The following TNIK variants were observed in gnomAD, a reference collection of about 807,000 sequenced individuals.
TNIK encodes the protein TRAF2 and NCK-interacting protein kinase.
TNIK carries 49 observed loss-of-function variants against 191.3 expected under a neutral mutation model. The ratio of observed to expected loss-of-function variants is 0.26; its 90% confidence interval spans 0.20 to 0.32. The LOEUF (loss-of-function observed/expected upper bound fraction) is 0.32, where lower values mean the gene tolerates loss of function less well. Among genes scored for constraint, TNIK ranks in the 10% least tolerant of loss-of-function variants. TNIK has a pLI of 1.00. For synonymous variants in TNIK, 594 were observed against 600.9 expected (o/e 0.99, Z 0.17); for missense variants, 1,155 against 1,702.3 (o/e 0.68, Z 5.66).
intron 15 of TNIK, among the ~76,000 whole-genome samples, chr3:171,129,243 G>C (rs747566676): frequency 6.6e-6 from 1 of 152,144 alleles, no homozygotes; most frequent in Admixed American, 6.5e-5. Context: ...GACAATCAAA[G>C]GGAATGGTAG....
intron 2 of TNIK, among the ~76,000 whole-genome samples, chr3:171,253,224 C>A (rs1403958124): frequency 6.7e-6 from 1 of 149,042 alleles, no homozygotes; most frequent in Non-Finnish European, 1.5e-5. Context: ...GCGGAACTTG[C>A]AGTGAGCCGA....
At position 171,366,759 on chromosome 3, in the gene TNIK, G is replaced by A. The variant is rs970637897; in HGVS notation, c.123+2861C>T. On this transcript the variant is annotated intron_variant, in intron 2 of 32. Coordinates refer to ENST00000436636, the MANE Select transcript of TNIK (RefSeq NM_015028.4). This position sits in a 1 kb window ranked among gnomAD's most constrained non-coding sequence, Gnocchi z 4.1. ...TTGGCTGTGTCCCCAACCAAATTTCGTCTTGAATTGTAGTTCCCGTAATCC... is the reference window on the plus strand; with the variant it reads ...TTGGCTGTGTCCCCAACCAAATTTCATCTTGAATTGTAGTTCCCGTAATCC... 3.3e-5 allele frequency among the ~76,000 whole-genome samples: 5 copies of A among 152,220 alleles called. No individual in the cohort carries two copies. Among genetic ancestry groups the A allele is most frequent in the South Asian group, 2.1e-4 (1 of 4,816 alleles).
intron 21 of TNIK, among the ~76,000 whole-genome samples, chr3:171,105,254 A>G (rs764511801): frequency 7.2e-5 from 11 of 152,178 alleles, no homozygotes; most frequent in Non-Finnish European, 1.3e-4. Flanking sequence ...AAGTTTCTCA[A>G]TTATGGCCCT....
chr3:171,396,070 C>A (rs1343160886), intron 1 of TNIK, among the ~76,000 whole-genome samples: 1 of 151,992 alleles, frequency 6.6e-6, no homozygotes, highest in Non-Finnish European at 1.5e-5. Flanking sequence ...CAAAAAGAAA[C>A]CCCATACCCT....
intron 4 of TNIK, among the ~76,000 whole-genome samples, chr3:171,194,955 CA>C (rs1230983637): frequency 1.3e-5 from 2 of 151,828 alleles, no homozygotes; most frequent in South Asian, 4.2e-4. Flanking sequence ...TTTAACTCAG[CA>C]GTCAAATTTT....
chr3:171,126,107 G>A lies in TNIK; in HGVS notation c.1818C>T (p.Thr606=), dbSNP rs779458498. 2.6e-5 allele frequency: 41 copies of A among 1,571,092 alleles called. No homozygotes were observed. The Middle Eastern group carries it at 1.0e-3, about 40-fold the overall frequency. ...VAVKSQGPAL[T]ASQSVHEQPT... is the part of the protein sequence containing the mutation. The stretch of plus-strand genomic sequence containing the variant: ...GCTGCTCGTGCACTGACTGGGAGGC[G>A]GTCAAGGCAGGTCCCTGGGATTTTA... Residue 606 remains threonine (T), a synonymous_variant, in exon 17 of 33, where the codon ACC becomes ACT. Coordinates refer to ENST00000436636, the MANE Select transcript of TNIK (RefSeq NM_015028.4).
intron 2 of TNIK, among the ~76,000 whole-genome samples, chr3:171,282,358 T>A (rs1750555795): frequency 1.4e-5 from 2 of 141,002 alleles, no homozygotes; most frequent in African/African-American, 2.6e-5. Flanking sequence ...TTTTTTTTTT[T>A]GAGATGGAGT....
chr3:171,440,948 T>G (rs1560077863), intron 1 of TNIK, among the ~76,000 whole-genome samples: 3 of 152,186 alleles, frequency 2.0e-5, no homozygotes, highest in Non-Finnish European at 4.4e-5. Flanking sequence ...GAGGAATAAG[T>G]TATTTGAGCT....
chr3:171,136,599 A>G (rs1035039791), intron 15 of TNIK, among the ~76,000 whole-genome samples: 3 of 152,196 alleles, frequency 2.0e-5, no homozygotes, highest in Non-Finnish European at 2.9e-5. Context: ...TTGGTCTGGA[A>G]TCATTAATTC....
intron 2 of TNIK, among the ~76,000 whole-genome samples, chr3:171,260,480 G>A (rs1469107589): frequency 6.6e-6 from 1 of 152,150 alleles, no homozygotes; most frequent in East Asian, 1.9e-4. Context: ...ACATTTTAAT[G>A]AAAGCATTAA....
intron 21 of TNIK, among the ~76,000 whole-genome samples, chr3:171,104,208 T>G (rs1724245283): frequency 6.6e-6 from 1 of 152,136 alleles, no homozygotes; most frequent in East Asian, 1.9e-4. Context: ...AGAACCTATG[T>G]GTTTAGCTGA....
chr3:171,262,722 T>A (rs559549545), intron 2 of TNIK, among the ~76,000 whole-genome samples: 2 of 152,328 alleles, frequency 1.3e-5, no homozygotes, highest in South Asian at 2.1e-4. Context: ...CCAGAAAAAA[T>A]TCTTCCCTTC....
At chr3:171,406,568 T>C (rs1309046835) in intron 1 of TNIK, among the ~76,000 whole-genome samples, 1 of 152,176 alleles carries the variant, frequency 6.6e-6, no homozygotes, top group Non-Finnish European at 1.5e-5. Flanking sequence ...TAGCCAGGAC[T>C]ACAGGCATGC....
chr3:171,315,260 A>G (rs1055464291), intron 2 of TNIK, among the ~76,000 whole-genome samples: 2 of 152,176 alleles, frequency 1.3e-5, no homozygotes, highest in African/African-American at 4.8e-5. Flanking sequence ...CACACGGGCC[A>G]TTATTCAGCC....
At chr3:171,274,640 G>A (rs896641748) in intron 2 of TNIK, among the ~76,000 whole-genome samples, 5 of 152,128 alleles carry the variant, frequency 3.3e-5, no homozygotes, top group Non-Finnish European at 7.4e-5. Flanking sequence ...GCTATAAAAT[G>A]GACAGCAGAA....
intron 2 of TNIK, among the ~76,000 whole-genome samples, chr3:171,342,682 AAATG>A (rs1176318523): frequency 9.2e-5 from 14 of 152,328 alleles, no homozygotes; most frequent in African/African-American, 2.6e-4. Flanking sequence ...TGATATGAAT[AAATG>A]AATGAATAAA....
intron 2 of TNIK, among the ~76,000 whole-genome samples, chr3:171,307,838 AC>A (rs998190656): frequency 1.3e-5 from 2 of 152,114 alleles, no homozygotes; most frequent in African/African-American, 4.8e-5. Flanking sequence ...ATGTTATAAG[AC>A]TTTTTCATTC....
At chr3:171,129,508 A>C (rs1728956996) in intron 15 of TNIK, among the ~76,000 whole-genome samples, 1 of 151,912 alleles carries the variant, frequency 6.6e-6, no homozygotes, top group Non-Finnish European at 1.5e-5. Context: ...CCTCAAATAC[A>C]CTGCCCCATC....
intron 21 of TNIK, among the ~76,000 whole-genome samples, chr3:171,103,198 A>G (rs1723898468): frequency 6.7e-6 from 1 of 149,526 alleles, no homozygotes; most frequent in African/African-American, 2.4e-5. Context: ...ACACATGCAC[A>G]TTTGCACATT....
Sources: allele counts gnomAD v4.1 joint callset (sites outside exome capture counted in the v4.1 genomes callset), GRCh38; gene constraint gnomAD v4.1.1; non-coding constraint Gnocchi (gnomAD v3.1); transcripts MANE v1.5; gene names NCBI Gene and HGNC (gene_info 2026-07-23, HGNC 2026-07-21).